FAF1: variants seen among roughly 807,000 people sequenced by gnomAD.
The protein encoded by FAF1 is FAS-associated factor 1.
In FAF1, 25 loss-of-function variants were observed where a neutral mutation model predicts 92.5. The ratio of observed to expected loss-of-function variants is 0.27; its 90% CI spans 0.20 to 0.38. FAF1 has a LOEUF of 0.38. Ranked by LOEUF, FAF1 falls within the 10% of genes least tolerant of loss-of-function variation. FAF1 has a pLI of 1.00. For missense variants in FAF1, 636 were observed against 793.3 expected (o/e 0.80, Z 2.38); for synonymous variants, 234 against 273.2 (o/e 0.86, Z 1.42).
chr1:50,506,629 A>G (rs1204965355), intron 15 of FAF1, among the ~76,000 whole-genome samples: 1 of 152,186 alleles, frequency 6.6e-6, no homozygotes, highest in Non-Finnish European at 1.5e-5. Context: ...GTGAGTACTT[A>G]GCTGGGACAC....
intron 1 of FAF1, among the ~76,000 whole-genome samples, chr1:50,920,802 C>T (rs1448768854): frequency 1.3e-5 from 2 of 152,138 alleles, no homozygotes; most frequent in East Asian, 3.9e-4. Context: ...CTATAGCTAA[C>T]ACCATACTTA....
At chr1:50,789,960 C>T (rs575192553) in intron 3 of FAF1, among the ~76,000 whole-genome samples, 1 of 152,280 alleles carries the variant, frequency 6.6e-6, no homozygotes, top group Admixed American at 6.5e-5. Context: ...CATTACCCAT[C>T]CACTTCTATC....
At chr1:50,660,524 T>C (rs1655326605) in intron 7 of FAF1, among the ~76,000 whole-genome samples, 1 of 150,922 alleles carries the variant, frequency 6.6e-6, no homozygotes. Flanking sequence ...CCCAAGACAG[T>C]CTTGCTCTGT....
At chr1:50,958,740 G>A (rs866937409) in intron 1 of FAF1, among the ~76,000 whole-genome samples, 4 of 151,146 alleles carry the variant, frequency 2.6e-5, no homozygotes, top group African/African-American at 9.7e-5. Flanking sequence ...CAGAGAGAGA[G>A]AAAAGCCCAA....
intron 8 of FAF1, among the ~76,000 whole-genome samples, chr1:50,614,914 TTTA>T (rs1272402348): frequency 1.3e-5 from 2 of 152,172 alleles, no homozygotes; most frequent in Non-Finnish European, 2.9e-5. Context: ...ATGATTTATT[TTTA>T]TTTTTTAAAT....
chr1:50,577,537 A>AAAGAGAAGAG (rs577600949), intron 12 of FAF1, among the ~76,000 whole-genome samples: 5 of 152,204 alleles, frequency 3.3e-5, no homozygotes, highest in Admixed American at 1.3e-4. Context: ...AAAGAAAAGA[A>AAAGAGAAGAG]AAGAGAAGAG....
At chr1:50,555,944 A>G (rs1230862049) in intron 13 of FAF1, among the ~76,000 whole-genome samples, 2 of 151,980 alleles carry the variant, frequency 1.3e-5, no homozygotes, top group African/African-American at 4.8e-5. Flanking sequence ...GTATATATAC[A>G]TGGTGTATAT....
chr1:50,897,478 A>G (rs1644766661), intron 1 of FAF1, among the ~76,000 whole-genome samples: 1 of 152,230 alleles, frequency 6.6e-6, no homozygotes, highest in Non-Finnish European at 1.5e-5. Context: ...TTTCAGAGGT[A>G]TTATAAAATA....
intron 9 of FAF1, among the ~76,000 whole-genome samples, chr1:50,592,934 T>A (rs76643295): frequency 6.8e-6 from 1 of 147,336 alleles, no homozygotes; most frequent in South Asian, 2.1e-4. Flanking sequence ...CAAGACTCTG[T>A]TTCAAAAAAA....
At chr1:50,698,582 T>C (rs748994066) in intron 7 of FAF1, among the ~76,000 whole-genome samples, 1 of 152,070 alleles carries the variant, frequency 6.6e-6, no homozygotes, top group Non-Finnish European at 1.5e-5. Context: ...TGCAAAAAAT[T>C]TTTTGCAGTG....
intron 2 of FAF1, among the ~76,000 whole-genome samples, chr1:50,850,157 A>G (rs1368723034): frequency 6.6e-6 from 1 of 152,174 alleles, no homozygotes; most frequent in Non-Finnish European, 1.5e-5. Context: ...ATGGTCAACA[A>G]GAAATAGAGG....
At chr1:50,549,999 T>C (rs1649226073) in intron 13 of FAF1, among the ~76,000 whole-genome samples, 1 of 152,108 alleles carries the variant, frequency 6.6e-6, no homozygotes, top group Admixed American at 6.5e-5. Flanking sequence ...AACTTTGACA[T>C]TTACACATAA....
intron 1 of FAF1, among the ~76,000 whole-genome samples, chr1:50,932,224 G>GTAA (rs1553152730): frequency 1.3e-5 from 2 of 152,044 alleles, no homozygotes; most frequent in African/African-American, 2.4e-5. Context: ...CCCCAAAGCC[G>GTAA]TAACTCATTT....
At chr1:50,850,861 C>T (rs1179522127) in intron 2 of FAF1, among the ~76,000 whole-genome samples, 1 of 152,064 alleles carries the variant, frequency 6.6e-6, no homozygotes, top group Non-Finnish European at 1.5e-5. Flanking sequence ...CAAGTACACA[C>T]TGATTTATGT....
At chr1:50,683,519 C>G (rs1656516663) in intron 7 of FAF1, among the ~76,000 whole-genome samples, 1 of 150,366 alleles carries the variant, frequency 6.7e-6, no homozygotes, top group African/African-American at 2.5e-5. Flanking sequence ...AGAGTGAGAC[C>G]CTGTCTCATT....
chr1:50,441,845 A>G (rs562740971), intron 18 of FAF1, among the ~76,000 whole-genome samples: 8 of 142,882 alleles, frequency 5.6e-5, no homozygotes, highest in African/African-American at 1.8e-4. Flanking sequence ...ATTCCTAGAG[A>G]CCTCTGCTTG....
At chr1:50,795,858 T>G (rs1661729112) in intron 3 of FAF1, among the ~76,000 whole-genome samples, 1 of 152,054 alleles carries the variant, frequency 6.6e-6, no homozygotes, top group South Asian at 2.1e-4. Flanking sequence ...GAGTACCGGA[T>G]AGAGTGACTG....
intron 6 of FAF1, among the ~76,000 whole-genome samples, chr1:50,737,962 A>G (rs1452099542): frequency 6.6e-6 from 1 of 152,196 alleles, no homozygotes; most frequent in African/African-American, 2.4e-5. Context: ...GTATGAAAAG[A>G]TTCCTCATAA....
chr1:50,510,114 C>T (rs531060497), intron 15 of FAF1, among the ~76,000 whole-genome samples: 1 of 146,746 alleles, frequency 6.8e-6, no homozygotes, highest in African/African-American at 2.5e-5. Context: ...TGCAGTGAGC[C>T]GAGATGGCAC....
Sources: allele counts gnomAD v4.1 joint callset (sites outside exome capture counted in the v4.1 genomes callset), GRCh38; gene constraint gnomAD v4.1.1; transcripts MANE v1.5; gene names NCBI Gene and HGNC (gene_info 2026-07-23, HGNC 2026-07-21).